The following NFIA variants were observed in gnomAD, a reference collection of about 807,000 sequenced individuals.
The protein encoded by NFIA is nuclear factor 1 A-type.
In NFIA, 8 loss-of-function variants were observed where a neutral mutation model predicts 62.8. The ratio of observed to expected loss-of-function variants is 0.13; its 90% CI spans 0.07 to 0.23. The LOEUF (loss-of-function observed/expected upper bound fraction) is 0.23, where lower values mean the gene tolerates loss of function less well. Ranked by LOEUF, NFIA falls within the 10% of genes least tolerant of loss-of-function variation. The pLI is 1.00. For synonymous variants in NFIA, 235 were observed against 238.1 expected (o/e 0.99, Z 0.12); for missense variants, 410 against 642.1 (o/e 0.64, Z 3.91).
intron 2 of NFIA, among the ~76,000 whole-genome samples, chr1:61,235,497 A>AATAG (rs1178029142): frequency 6.9e-6 from 1 of 145,964 alleles, no homozygotes; most frequent in East Asian, 2.1e-4. Context: ...TAAATAAATA[A>AATAG]ATAAATAAAA....
intron 6 of NFIA, among the ~76,000 whole-genome samples, chr1:61,363,600 G>A (rs1382637879): frequency 7.7e-5 from 6 of 78,340 alleles, no homozygotes; most frequent in Admixed American, 1.5e-4. Flanking sequence ...GCAAAACTCC[G>A]TCAAAAAAAA....
In NFIA at chr1:61,432,135, G is replaced by A. The variant is rs115382605; in HGVS notation, c.1512+5579G>A. Among the ~76,000 whole-genome samples the A allele has an allele frequency of 4.9e-3, 743 of 152,168 alleles. 6 individuals are homozygous for A. The highest frequency in any genetic ancestry group is 0.017 in the African/African-American group (699 of 41,506). ...TATAGGAACTTTCCAAAGAGTGGAAGCAGCAGAAGAGGCTGGATAGTTTTT... is the reference window on the plus strand; with the variant it reads ...TATAGGAACTTTCCAAAGAGTGGAAACAGCAGAAGAGGCTGGATAGTTTTT... On this transcript the variant is annotated intron_variant, in intron 10 of 10. Transcript: ENST00000403491.
chr1:61,278,266 T>C (rs1459041035), intron 3 of NFIA, among the ~76,000 whole-genome samples: 3 of 152,190 alleles, frequency 2.0e-5, no homozygotes, highest in African/African-American at 7.2e-5. Context: ...GTATGAAAAA[T>C]ACTGTCATGG....
chr1:61,318,818 G>C (rs1202707421), intron 3 of NFIA, among the ~76,000 whole-genome samples: 1 of 152,028 alleles, frequency 6.6e-6, no homozygotes, highest in Non-Finnish European at 1.5e-5. Context: ...GTTTTTGCCC[G>C]ACTCAAGGTA....
At chr1:61,329,891 G>C (rs1397676485) in intron 3 of NFIA, among the ~76,000 whole-genome samples, 1 of 152,178 alleles carries the variant, frequency 6.6e-6, no homozygotes, top group Admixed American at 6.5e-5. Context: ...GCACAGTTAG[G>C]AGGCTTTCCC....
At chr1:61,412,904 A>C (rs1666167525) in intron 9 of NFIA, among the ~76,000 whole-genome samples, 1 of 152,180 alleles carries the variant, frequency 6.6e-6, no homozygotes, top group Non-Finnish European at 1.5e-5. Context: ...TTAAGTTCCA[A>C]TTTTTATATT....
chr1:61,185,754 C>T (rs1423881229), intron 2 of NFIA, among the ~76,000 whole-genome samples: 4 of 151,090 alleles, frequency 2.6e-5, no homozygotes, highest in Non-Finnish European at 4.4e-5. Context: ...ATGCATTTTT[C>T]CCAGCTCCTT....
At chr1:61,361,967 C>T (rs540049426) in intron 6 of NFIA, among the ~76,000 whole-genome samples, 3 of 152,068 alleles carry the variant, frequency 2.0e-5, no homozygotes, top group South Asian at 2.1e-4. Context: ...AGTGGATAAA[C>T]GTACATTTGG....
At chr1:61,334,897 A>G (rs1661518293) in intron 4 of NFIA, among the ~76,000 whole-genome samples, 1 of 151,916 alleles carries the variant, frequency 6.6e-6, no homozygotes, top group South Asian at 2.1e-4. Context: ...TTAAGGTCTT[A>G]TATCCCAAAG....
At chr1:61,131,789 A>G (rs1647084309) in intron 2 of NFIA, among the ~76,000 whole-genome samples, 1 of 152,088 alleles carries the variant, frequency 6.6e-6, no homozygotes, top group Non-Finnish European at 1.5e-5. Flanking sequence ...TAAGTATGTG[A>G]TTTTTGCAGA....
intron 2 of NFIA, among the ~76,000 whole-genome samples, chr1:61,208,392 G>A (rs913715185): frequency 1.3e-5 from 2 of 152,184 alleles, no homozygotes; most frequent in Admixed American, 6.5e-5. Context: ...TTAAGAGCAT[G>A]AAGAGGAAAA....
chr1:61,129,236 A>G (rs999568497), intron 2 of NFIA, among the ~76,000 whole-genome samples: 4 of 151,736 alleles, frequency 2.6e-5, no homozygotes, highest in African/African-American at 9.7e-5. Flanking sequence ...TATGTGTTTT[A>G]GAAAAATCTT....
At chr1:61,175,815 C>T (rs1028178160) in intron 2 of NFIA, among the ~76,000 whole-genome samples, 2 of 152,230 alleles carry the variant, frequency 1.3e-5, no homozygotes, top group African/African-American at 4.8e-5. Context: ...GTCACTTCCT[C>T]ACTTGCTCAT....
chr1:61,265,115 G>T (rs1017974427), intron 2 of NFIA, among the ~76,000 whole-genome samples: 4 of 152,140 alleles, frequency 2.6e-5, no homozygotes, highest in Admixed American at 2.0e-4. Flanking sequence ...TTGTAATTCA[G>T]TATAGCTTTG....
chr1:61,327,557 C>T (rs1223889836), intron 3 of NFIA, among the ~76,000 whole-genome samples: 1 of 152,116 alleles, frequency 6.6e-6, no homozygotes, highest in Non-Finnish European at 1.5e-5. Context: ...ATAATGGCCT[C>T]TGGCTCCATC....
At chr1:61,208,099 G>C (rs529036488) in intron 2 of NFIA, among the ~76,000 whole-genome samples, 1 of 151,724 alleles carries the variant, frequency 6.6e-6, no homozygotes. Context: ...TGTTGCAGGA[G>C]CAGGTCAAGT....
chr1:61,180,300 T>G (rs1650675180), intron 2 of NFIA, among the ~76,000 whole-genome samples: 1 of 152,170 alleles, frequency 6.6e-6, no homozygotes. Flanking sequence ...GTAAGGAGCT[T>G]TTAGGGGCCA....
chr1:61,240,636 A>G (rs1482837434), intron 2 of NFIA, among the ~76,000 whole-genome samples: 1 of 152,116 alleles, frequency 6.6e-6, no homozygotes, highest in Non-Finnish European at 1.5e-5. Flanking sequence ...AGTATGGACA[A>G]AAAATATTTT....
chr1:61,301,500 T>C (rs776965861), intron 3 of NFIA, among the ~76,000 whole-genome samples: 15 of 152,178 alleles, frequency 9.9e-5, no homozygotes, highest in Non-Finnish European at 1.9e-4. Flanking sequence ...TGATATTTTC[T>C]TAAGGACTCG....
Sources: gnomAD v4.1 joint callset for allele counts (sites outside exome capture counted in the v4.1 genomes callset) on GRCh38, gnomAD v4.1.1 for gene constraint, MANE v1.5 for transcripts, NCBI Gene and HGNC (gene_info 2026-07-23, HGNC 2026-07-21) for gene names.